Variants in F8 observed in about 807,000 individuals in gnomAD.
F8 encodes coagulation factor VIII, also known as antihemophilic factor.
F8 carries 12 observed loss-of-function variants against 140.6 expected under a neutral mutation model. The observed-to-expected ratio is 0.09, with a 90% CI of 0.05 to 0.14. F8 has a LOEUF of 0.14. Ranked by LOEUF, F8 falls within the 10% of genes least tolerant of loss-of-function variation. The pLI, the probability that F8 is intolerant of heterozygous loss-of-function variation, is 1.00. For synonymous variants in F8, 585 were observed against 614.6 expected, an observed-to-expected ratio of 0.95 and a Z score of 0.71; for missense variants, 1,354 against 1,720.7, an observed-to-expected ratio of 0.79 and a Z score of 3.77.
chrX:154,842,092 A>G (rs2072526535), intron 25 of F8, among the ~76,000 whole-genome samples: 2 of 111,954 alleles, frequency 1.8e-5, no homozygotes, highest in Non-Finnish European at 3.8e-5. Flanking sequence ...ATTAGGTAAA[A>G]TGGATTAATC....
chrX:154,993,927 T>C (rs782584197), intron 3 of F8, among the ~76,000 whole-genome samples: 1 of 112,455 alleles, frequency 8.9e-6, no homozygotes, highest in Admixed American at 9.4e-5. Flanking sequence ...AATATTCACC[T>C]ATTTATTCAC....
In F8 at chrX:154,837,772, A is replaced by G; in HGVS notation, c.6901-20T>C. On this transcript the variant is annotated intron_variant, in intron 25 of 25. Coordinates refer to ENST00000360256, the MANE Select transcript of F8 (RefSeq NM_000132.4). The stretch of plus-strand genomic sequence containing the variant: ...AAAAACCTGAAAGAGGAAAGATAGC[A>G]TTTATTGGTTGTCTGACAGGACAAT... The G allele has an allele frequency of 8.3e-7, 1 of 1,206,651 alleles. No individual in the cohort carries two copies. The highest frequency in any genetic ancestry group is 1.1e-6 in the Non-Finnish European group (1 of 890,767).
intron 25 of F8, among the ~76,000 whole-genome samples, chrX:154,849,461 C>CTT (rs782727629): frequency 0.012 from 1,033 of 86,539 alleles, 21 homozygotes; most frequent in African/African-American, 0.036. Flanking sequence ...TTTACTTTTG[C>CTT]TTTTTTTTTT....
chrX:155,019,903 T>G (rs1557287347), intron 1 of F8, among the ~76,000 whole-genome samples: 1 of 111,867 alleles, frequency 8.9e-6, no homozygotes, highest in Admixed American at 9.5e-5. Flanking sequence ...AGCATCACAC[T>G]TATAAAATAC....
At chrX:154,908,382 C>A (rs1557276485) in intron 14 of F8, among the ~76,000 whole-genome samples, 1 of 111,872 alleles carries the variant, frequency 8.9e-6, no homozygotes, top group Non-Finnish European at 1.9e-5. Flanking sequence ...ACAGCAATTA[C>A]TCTCATCTTA....
chrX:154,945,043 T>C (rs1218905594), intron 13 of F8, among the ~76,000 whole-genome samples: 2 of 110,107 alleles, frequency 1.8e-5, no homozygotes, highest in African/African-American at 3.3e-5. Flanking sequence ...GGGAGAGGGA[T>C]AGCATTAGGC....
intron 21 of F8, among the ~76,000 whole-genome samples, chrX:154,897,089 T>C (rs1372671500): frequency 8.9e-6 from 1 of 112,550 alleles, no homozygotes; most frequent in East Asian, 2.7e-4. Context: ...GCACCTAATA[T>C]GGTATCTGGT....
chrX:154,896,532 CACACAT>C (rs1159376266), intron 21 of F8, among the ~76,000 whole-genome samples: 16 of 109,749 alleles, frequency 1.5e-4, no homozygotes, highest in Non-Finnish European at 2.3e-4. Flanking sequence ...CACACACACA[CACACAT>C]ACACACAAAC....
At position 154,844,022 on chromosome X, in the gene F8, T is replaced by C. The variant is rs782397349; in HGVS notation, c.6901-6270A>G. Among the ~76,000 whole-genome samples, 637 of 111,935 alleles carry C rather than the reference T, an allele frequency of 5.7e-3. 7 individuals are homozygous for C. Among genetic ancestry groups the C allele is most frequent in the African/African-American group, 0.02 (608 of 30,789 alleles). Reference sequence around the variant, plus strand: ...CTTTCTACATATGGCTAGCCAGTTTTCCCAGCACCATTTATTCAATAGGGA... The same window carrying C: ...CTTTCTACATATGGCTAGCCAGTTTCCCCAGCACCATTTATTCAATAGGGA... On this transcript the variant is annotated intron_variant, in intron 25 of 25. Coordinates refer to ENST00000360256, the MANE Select transcript of F8 (RefSeq NM_000132.4).
At position 154,999,738 on chromosome X, in the gene F8, T is replaced by G; in HGVS notation, c.144-138A>C. ...TTGTATATAAATCCCTAACATCCAT[T>G]AAACCGAAACACTGTTTTCACAACT... On this transcript the variant is annotated intron_variant, in intron 1 of 25. Coordinates refer to ENST00000360256, the MANE Select transcript of F8 (RefSeq NM_000132.4). 9.9e-6 allele frequency: 7 copies of G among 708,957 alleles called. No individual in the cohort carries two copies. The South Asian group carries it at 1.6e-4, about 16-fold the overall frequency. The allele number at this position is 708,957 out of a possible 1,213,427, so 58.4% of individuals were successfully genotyped here. A position where few individuals can be genotyped will look rare whatever the true frequency, so the allele number is the denominator to read the frequency against.
In F8 at chrX:154,896,137, C is replaced by T. The variant is rs782188950; in HGVS notation, c.6369G>A (p.Met2123Ile). 2 of 1,208,444 alleles carry T rather than the reference C, an allele frequency of 1.7e-6. No individual in the cohort carries two copies. Among genetic ancestry groups the T allele is most frequent in the Non-Finnish European group, 2.2e-6 (2 of 894,042 alleles). ...SSLYISQFII[M>I]YSLDGKKWQT... The stretch of plus-strand genomic sequence containing the variant: ...GCCACTTCTTCCCATCAAGACTATA[C>T]ATGATGATAAACTGAGAGATGTAGA... The change falls in exon 22 of 26, where the codon ATG (methionine) becomes ATA (isoleucine). Residue 2123 changes from methionine (M) to isoleucine (I), a missense_variant. Transcript: ENST00000360256.
chrX:154,958,813 A>G (rs970265638), intron 10 of F8, among the ~76,000 whole-genome samples: 1 of 110,451 alleles, frequency 9.1e-6, no homozygotes, highest in African/African-American at 3.3e-5. Flanking sequence ...ATGGGTTTTC[A>G]CCATGTTGGC....
At chrX:154,842,630 T>A (rs896815776) in intron 25 of F8, among the ~76,000 whole-genome samples, 2 of 112,159 alleles carry the variant, frequency 1.8e-5, no homozygotes, top group Non-Finnish European at 3.8e-5. Flanking sequence ...GAAGATTTTA[T>A]AGTTATCTTT....
chrX:154,914,039 G>T (rs1022877782), intron 14 of F8, among the ~76,000 whole-genome samples: 4 of 113,226 alleles, frequency 3.5e-5, no homozygotes, highest in African/African-American at 1.3e-4. Context: ...TGGACATCCA[G>T]GCATTTCCAT....
At chrX:154,863,796 G>A (rs1557273031) in intron 22 of F8, among the ~76,000 whole-genome samples, 1 of 111,564 alleles carries the variant, frequency 9.0e-6, no homozygotes, top group African/African-American at 3.3e-5. Flanking sequence ...CCTGTCAACT[G>A]TAGTTCTGGT....
At chrX:154,925,556 C>T (rs1164889775) in intron 14 of F8, among the ~76,000 whole-genome samples, 1 of 112,723 alleles carries the variant, frequency 8.9e-6, no homozygotes, top group Non-Finnish European at 1.9e-5. Context: ...CATGGGCACC[C>T]ACCTCTTGCA....
At chrX:154,905,530 C>T (rs1006079774) in intron 15 of F8, among the ~76,000 whole-genome samples, 1 of 111,591 alleles carries the variant, frequency 9.0e-6, no homozygotes, top group Non-Finnish European at 1.9e-5. Flanking sequence ...TATACACCAT[C>T]AATTAATTGA....
chrX:154,925,924 G>T (rs2124042707), intron 14 of F8, among the ~76,000 whole-genome samples: 1 of 111,800 alleles, frequency 8.9e-6, no homozygotes, highest in South Asian at 3.8e-4. Flanking sequence ...GAGGGGATGG[G>T]GTGGAATGAT....
intron 12 of F8, among the ~76,000 whole-genome samples, chrX:154,948,501 T>C (rs1184886223): frequency 8.9e-6 from 1 of 112,340 alleles, no homozygotes; most frequent in Non-Finnish European, 1.9e-5. Context: ...AGAAAATAAG[T>C]AACAGAAGTG....
Sources: allele counts gnomAD v4.1 joint callset (sites outside exome capture counted in the v4.1 genomes callset), GRCh38; gene constraint gnomAD v4.1.1; transcripts MANE v1.5; gene names NCBI Gene and HGNC (gene_info 2026-07-23, HGNC 2026-07-21).